Variants in KLF12 observed in about 807,000 individuals in gnomAD.
The protein encoded by KLF12 is KLF transcription factor 12, also known as Krueppel-like factor 12.
Under a neutral mutation model 37.8 loss-of-function variants are expected in KLF12, and 9 were observed. That is an observed-to-expected ratio of 0.24 (90% CI 0.14 to 0.42). The LOEUF (loss-of-function observed/expected upper bound fraction) is 0.42. Among genes scored for constraint, KLF12 ranks in the 10% least tolerant of loss-of-function variants. The pLI, the probability that KLF12 is intolerant of heterozygous loss-of-function variation, is 1.00. For missense variants in KLF12, 411 were observed against 516.0 expected (o/e 0.80, Z 1.97); for synonymous variants, 208 against 202.1 (o/e 1.03, Z -0.25).
intron 3 of KLF12, among the ~76,000 whole-genome samples, chr13:73,930,130 C>T (rs1193630727): frequency 2.0e-5 from 3 of 152,162 alleles, no homozygotes; most frequent in African/African-American, 7.2e-5. Context: ...GGCCATAGGT[C>T]TCTTAACAAT....
rs114777742 is a variant in KLF12, at chr13:73,861,657, A to G, written c.124-15284T>C. Reference sequence around the variant, plus strand: ...TCTTTTTCCTACTTTTTCCCCTAACATCTTATATATTACTTTTTTTTAATT... The same window carrying G: ...TCTTTTTCCTACTTTTTCCCCTAACGTCTTATATATTACTTTTTTTTAATT... On this transcript the variant is annotated intron_variant, in intron 3 of 7. Coordinates refer to ENST00000377669, the MANE Select transcript of KLF12 (RefSeq NM_007249.5). Among the ~76,000 whole-genome samples, 1,377 of 152,188 alleles carry G rather than the reference A, an allele frequency of 9.0e-3. 12 individuals are homozygous for G. The highest frequency in any genetic ancestry group is 0.031 in the African/African-American group (1,271 of 41,510).
chr13:73,938,597 CAT>C (rs1447205205), intron 3 of KLF12, among the ~76,000 whole-genome samples: 1 of 152,166 alleles, frequency 6.6e-6, no homozygotes, highest in Non-Finnish European at 1.5e-5. Context: ...TAACAAGAAA[CAT>C]AAAGCATAAG....
chr13:74,280,466 AAT>A, the KLF12 span, among the ~76,000 whole-genome samples: 2 of 152,218 alleles, frequency 1.3e-5, no homozygotes, highest in Non-Finnish European at 2.9e-5. Flanking sequence ...GCCATATAAA[AAT>A]ACACACTGGA....
intron 3 of KLF12, among the ~76,000 whole-genome samples, chr13:73,903,638 C>G (rs2139100789): frequency 6.6e-6 from 1 of 152,274 alleles, no homozygotes; most frequent in East Asian, 1.9e-4. Flanking sequence ...CTAGAAGTAT[C>G]ACAATCTTCA....
At chr13:74,043,770 G>T (rs1893470963) in intron 1 of KLF12, among the ~76,000 whole-genome samples, 1 of 152,112 alleles carries the variant, frequency 6.6e-6, no homozygotes, top group Non-Finnish European at 1.5e-5. Context: ...TGTAAAAATT[G>T]GGCAATGGAT....
chr13:74,139,471 A>T, the KLF12 span, among the ~76,000 whole-genome samples: 1 of 152,266 alleles, frequency 6.6e-6, no homozygotes, highest in African/African-American at 2.4e-5. Flanking sequence ...TTGGGTGCAC[A>T]TATTGAAAAT....
chr13:74,230,412 A>C, the KLF12 span, among the ~76,000 whole-genome samples: 5 of 152,294 alleles, frequency 3.3e-5, no homozygotes, highest in African/African-American at 1.2e-4. Context: ...ACGTATCTTT[A>C]AGTTTTCTGT....
chr13:73,799,563 G>A (rs2138333054), intron 5 of KLF12, among the ~76,000 whole-genome samples: 1 of 151,910 alleles, frequency 6.6e-6, no homozygotes, highest in East Asian at 1.9e-4. Flanking sequence ...AATCTTCACT[G>A]GTTTGCTGAC....
intron 2 of KLF12, among the ~76,000 whole-genome samples, chr13:73,982,644 G>GA (rs142265094): frequency 1.6e-3 from 247 of 152,172 alleles, no homozygotes; most frequent in African/African-American, 5.3e-3. Flanking sequence ...CTTGGTATAG[G>GA]AAAAAAACAC....
intron 1 of KLF12, among the ~76,000 whole-genome samples, chr13:74,098,253 T>A (rs527617293): frequency 3.3e-5 from 5 of 152,320 alleles, no homozygotes; most frequent in African/African-American, 1.2e-4. Context: ...GAACATTGCA[T>A]GCACTTTTAT....
the KLF12 span, among the ~76,000 whole-genome samples, chr13:74,275,074 C>T: frequency 6.6e-6 from 1 of 152,104 alleles, no homozygotes; most frequent in Non-Finnish European, 1.5e-5. Context: ...GAGCAAAGAT[C>T]TGAAGGAGAC....
intron 2 of KLF12, among the ~76,000 whole-genome samples, chr13:73,989,072 GTGCCCCTTA>G (rs1299723079): frequency 6.6e-6 from 1 of 152,108 alleles, no homozygotes; most frequent in African/African-American, 2.4e-5. Context: ...TATTCTCCAT[GTGCCCCTTA>G]AATCCATTTA....
intron 3 of KLF12, among the ~76,000 whole-genome samples, chr13:73,929,331 C>T (rs1430272761): frequency 3.3e-5 from 5 of 152,040 alleles, no homozygotes; most frequent in African/African-American, 1.2e-4. Flanking sequence ...CTTTACTTTC[C>T]CAGAAACTCC....
intron 1 of KLF12, among the ~76,000 whole-genome samples, chr13:74,083,035 A>C (rs1875006685): frequency 6.6e-6 from 1 of 152,192 alleles, no homozygotes; most frequent in African/African-American, 2.4e-5. Flanking sequence ...GTGACTTGAC[A>C]AAGTTTACCT....
chr13:74,163,720 A>G, the KLF12 span, among the ~76,000 whole-genome samples: 1 of 152,100 alleles, frequency 6.6e-6, no homozygotes, highest in Non-Finnish European at 1.5e-5. Context: ...TAACTTAAAG[A>G]ATGTAATTGG....
chr13:74,027,417 C>T (rs1001768344), intron 1 of KLF12, among the ~76,000 whole-genome samples: 12 of 151,946 alleles, frequency 7.9e-5, no homozygotes, highest in Non-Finnish European at 7.4e-5. Flanking sequence ...GTCTTGGGAG[C>T]GGGGGGAGAG....
chr13:73,836,687 T>A (rs1026245272), intron 4 of KLF12, among the ~76,000 whole-genome samples: 5 of 152,070 alleles, frequency 3.3e-5, no homozygotes, highest in Non-Finnish European at 7.4e-5. Context: ...ATAGAAAAAA[T>A]TAGTTTTTTT....
intron 1 of KLF12, among the ~76,000 whole-genome samples, chr13:74,119,768 G>A (rs989394513): frequency 3.9e-5 from 6 of 152,198 alleles, no homozygotes; most frequent in South Asian, 2.1e-4. Context: ...GAGAAGAGAA[G>A]GGAGGGAGAG....
rs141755412 is a variant in KLF12, at chr13:74,063,461, T to G, written c.-31-68408A>C. On this transcript the variant is annotated intron_variant, in intron 1 of 7. Transcript: ENST00000377669. Reference sequence around the variant, plus strand: ...TAACCTTATTTAACAACCTTCATATTTCATTTATCTTAGGGCCAAATATCT... The same window carrying G: ...TAACCTTATTTAACAACCTTCATATGTCATTTATCTTAGGGCCAAATATCT... Among the ~76,000 whole-genome samples the G allele has an allele frequency of 4.3e-3, 659 of 152,338 alleles. 2 individuals are homozygous for G. Among genetic ancestry groups the G allele is most frequent in the African/African-American group, 0.015 (614 of 41,572 alleles).
Sources: allele counts gnomAD v4.1 joint callset (sites outside exome capture counted in the v4.1 genomes callset), GRCh38; gene constraint gnomAD v4.1.1; transcripts MANE v1.5; gene names NCBI Gene and HGNC (gene_info 2026-07-23, HGNC 2026-07-21).